The following PDZD4 variants were observed in gnomAD, a reference collection of about 807,000 sequenced individuals.
The protein encoded by PDZD4 is PDZ domain-containing protein 4.
A neutral mutation model predicts 38.5 loss-of-function variants in PDZD4; 9 were observed. The observed-to-expected ratio is 0.23, with a 90% CI of 0.14 to 0.41. PDZD4 has a LOEUF of 0.41. Ranked by LOEUF, PDZD4 falls within the 10% of genes least tolerant of loss-of-function variation. The probability of loss-of-function intolerance (pLI) is 1.00; values close to 1 mark genes in which losing one functional copy is unlikely to be tolerated. For missense variants in PDZD4, 612 were observed against 722.0 expected (o/e 0.85, Z 1.75); for synonymous variants, 349 against 315.7 (o/e 1.11, Z -1.12).
chrX:153,830,145 T>A, intron 1 of PDZD4, 94 bp downstream of exon 1: 1 of 858,483 alleles, frequency 1.2e-6, no homozygotes. Context: ...CCTCGAGCCC[T>A]CCCGCTCTCC....
intron 4 of PDZD4, 21 bp from the exon 5 acceptor site, chrX:153,806,154 G>A: frequency 8.3e-7 from 1 of 1,209,234 alleles, no homozygotes; most frequent in Non-Finnish European, 1.1e-6. Context: ...CACGCATCTT[G>A]GGGACTTGGT....
Position 153,830,462 on chromosome X carries a change from C to A in PDZD4, c.-164G>T, listed in dbSNP as rs2064531803. ...GGGCACGCCCCCGAGGTGGGGGCAGCGGCTCGCCCCTCAGGTTAACTCTTC... is the reference window on the plus strand; with the variant it reads ...GGGCACGCCCCCGAGGTGGGGGCAGAGGCTCGCCCCTCAGGTTAACTCTTC... On this transcript the variant is annotated 5_prime_UTR_variant, in exon 1 of 8. Coordinates refer to ENST00000393758, the MANE Select transcript of PDZD4 (RefSeq NM_001303512.2). The A allele has an allele frequency of 1.0e-5, 4 of 401,937 alleles. No individual in the cohort carries two copies. The highest frequency in any genetic ancestry group is 1.3e-5 in the Non-Finnish European group (3 of 232,383). 33.1% of individuals were successfully genotyped at this position (401,937 alleles called of 1,213,427 possible).
chrX:153,815,067 G>A (rs58463485), intron 1 of PDZD4, among the ~76,000 whole-genome samples: 26,348 of 112,542 alleles, frequency 0.23, 2,839 homozygotes, highest in East Asian at 0.64. Context: ...GCAGCAGCCT[G>A]TGAGCACACC....
chrX:153,805,433 G>A (rs1020477964), intron 6 of PDZD4, 72 bp downstream of exon 6: 1 of 727,428 alleles, frequency 1.4e-6, no homozygotes, highest in Non-Finnish European at 2.0e-6. Flanking sequence ...CTGTGCCCTA[G>A]TCACGGCCAG....
intron 6 of PDZD4, 72 bp from the exon 7 acceptor site, chrX:153,805,279 C>G (rs1177510914): frequency 1.0e-6 from 1 of 969,169 alleles, no homozygotes; most frequent in African/African-American, 1.9e-5. Context: ...CTGCTCTGGA[C>G]CCCGCACTTG....
chrX:153,804,055 G>A lies in PDZD4; in HGVS notation c.1626C>T (p.Ala542=), dbSNP rs1484791916. ...KFRSLSRDPE[A]GRRQHAEERG... ...GCTCCTCCGCGTGCTGCCTCCGGCC[G>A]GCCTCAGGATCCCGGGAGAGGGACC... Residue 542 remains alanine (A), a synonymous_variant, in exon 8 of 8, where the codon GCC becomes GCT. Coordinates refer to ENST00000393758, the MANE Select transcript of PDZD4 (RefSeq NM_001303512.2). 13 of 1,158,246 alleles carry A rather than the reference G, an allele frequency of 1.1e-5. No homozygotes were observed. Among genetic ancestry groups the A allele is most frequent in the Admixed American group, 5.2e-5 (2 of 38,541 alleles).
At chrX:153,829,573 C>T (rs782122024) in intron 1 of PDZD4, 3 of 310,213 alleles carry the variant, frequency 9.7e-6, no homozygotes, top group Non-Finnish European at 1.3e-5. Context: ...AGGCAAGAAG[C>T]CCCGTTCCGG....
At position 153,805,601 on chromosome X, in the gene PDZD4, G is replaced by T; in HGVS notation, c.573C>A (p.Asn191Lys). The T allele has an allele frequency of 8.3e-7, 1 of 1,203,078 alleles. No homozygotes were observed. ...CTTCCCGGTTCTGGACGTCTACACC[G>T]TTAATCTGAGGCAGGCAGGATACAA... ...IREGDRIIQI[N>K]GVDVQNREEA... The change falls in exon 6 of 8, where the codon AAC becomes AAA. Residue 191 changes from asparagine to lysine, a missense_variant. Around this residue, in one of 3 missense-constraint regions of PDZD4, gnomAD observed 225 missense variants for 311.0 expected, o/e 0.72. Coordinates refer to ENST00000393758, the MANE Select transcript of PDZD4 (RefSeq NM_001303512.2).
chrX:153,816,618 G>A (rs1298539145), intron 1 of PDZD4, among the ~76,000 whole-genome samples: 3 of 111,742 alleles, frequency 2.7e-5, no homozygotes, highest in Non-Finnish European at 5.7e-5. Flanking sequence ...ATCCCGTTCC[G>A]CTCCCCAAGG....
chrX:153,821,054 C>A (rs1316403808), intron 1 of PDZD4, among the ~76,000 whole-genome samples: 1 of 112,563 alleles, frequency 8.9e-6, no homozygotes, highest in African/African-American at 3.2e-5. Flanking sequence ...TCTCCACCAA[C>A]ATGTTAGAAT....
chrX:153,803,867 C>A lies in PDZD4; in HGVS notation c.1814G>T (p.Gly605Val), dbSNP rs1557075564. ...AGGGCCACCGGCCAAGCTCAGGGGG[C>A]CGTGGCCCAGCTCCTCCAGGCCTCG... ...PTRGLEELGHGPLSLAGGPRV... is the reference protein window; with the variant it reads ...PTRGLEELGHVPLSLAGGPRV... The change falls in exon 8 of 8, where the codon GGC becomes GTC. Residue 605 changes from glycine (G) to valine (V), a missense_variant. Gly to Val is a moderately radical substitution (Grantham distance 109). Transcript: ENST00000393758. The A allele has an allele frequency of 1.7e-6, 2 of 1,187,185 alleles. No homozygotes were observed. The highest frequency in any genetic ancestry group is 4.9e-4 in the Middle Eastern group (2 of 4,119).
intron 3 of PDZD4, 54 bp downstream of exon 3, chrX:153,807,225 G>A (rs1258960983): frequency 4.4e-6 from 5 of 1,145,326 alleles, no homozygotes; most frequent in African/African-American, 1.8e-5. Flanking sequence ...GCACACAGGC[G>A]TCGGGGCGGC....
chrX:153,807,403 G>A (rs782532020), intron 2 of PDZD4, 34 bp from the exon 3 acceptor site: 1 of 1,156,494 alleles, frequency 8.6e-7, no homozygotes, highest in Non-Finnish European at 1.2e-6. Context: ...AGACCAGCTG[G>A]CCATCCTCTC....
chrX:153,821,415 G>GT (rs1252276846), intron 1 of PDZD4, among the ~76,000 whole-genome samples: 2 of 108,515 alleles, frequency 1.8e-5, no homozygotes, highest in Admixed American at 2.0e-4. Flanking sequence ...CTCTATGTGT[G>GT]TTTTTTTACC....
At chrX:153,829,985 C>T in intron 1 of PDZD4, 1 of 766,784 alleles carries the variant, frequency 1.3e-6, no homozygotes, top group Non-Finnish European at 1.7e-6. Context: ...ACCTCCATCC[C>T]GCGCCCGCCG....
intron 1 of PDZD4, among the ~76,000 whole-genome samples, chrX:153,813,236 C>G (rs2064328333): frequency 1.8e-5 from 2 of 112,173 alleles, no homozygotes; most frequent in Non-Finnish European, 3.8e-5. Context: ...AGAGGAGAGC[C>G]TTACAATGCA....
chrX:153,808,239 G>A (rs1016936808), intron 2 of PDZD4, 103 bp downstream of exon 2: 10 of 1,083,041 alleles, frequency 9.2e-6, no homozygotes, highest in East Asian at 3.3e-5. Flanking sequence ...TCTGGAGGCC[G>A]AGGGGCCTGC....
At chrX:153,814,606 G>A (rs1427666347) in intron 1 of PDZD4, among the ~76,000 whole-genome samples, 2 of 109,981 alleles carry the variant, frequency 1.8e-5, no homozygotes, top group Non-Finnish European at 1.9e-5. Context: ...GCTCATTATC[G>A]GAAAACTCTC....
intron 1 of PDZD4, among the ~76,000 whole-genome samples, chrX:153,819,087 A>T (rs2064392986): frequency 8.9e-6 from 1 of 112,514 alleles, no homozygotes; most frequent in Admixed American, 9.2e-5. Flanking sequence ...CTGAGCCCGG[A>T]GCCGCAGACA....
Sources: allele counts gnomAD v4.1 joint callset (sites outside exome capture counted in the v4.1 genomes callset), GRCh38; gene constraint gnomAD v4.1.1; regional missense constraint gnomAD v4.1.1; transcripts MANE v1.5; gene names NCBI Gene and HGNC (gene_info 2026-07-23, HGNC 2026-07-21).